Variants in OOSP2 observed in about 807,000 individuals in gnomAD.
OOSP2 encodes the protein oocyte secreted protein 2, also known as oocyte-secreted protein 2.
A neutral mutation model predicts 13.4 loss-of-function variants in OOSP2; 7 were observed. The observed-to-expected ratio is 0.52, with a 90% confidence interval of 0.30 to 0.98. The LOEUF is 0.98. Ranked by LOEUF, OOSP2 falls within the 50% of genes least tolerant of loss-of-function variation. OOSP2 has a pLI of 0.07. For synonymous variants in OOSP2, 75 were observed against 67.2 expected, an observed-to-expected ratio of 1.12 and a Z score of -0.57; for missense variants, 184 against 188.5, an observed-to-expected ratio of 0.98 and a Z score of 0.14.
In OOSP2 at chr11:60,040,477, G is replaced by C. The variant is rs1854913414; in HGVS notation, c.18G>C (p.Leu6Phe). The C allele has an allele frequency of 6.2e-7, 1 of 1,602,948 alleles. No homozygotes were observed. Among genetic ancestry groups the C allele is most frequent in the African/African-American group, 1.3e-5 (1 of 74,724 alleles). The change falls in exon 1 of 4, where the codon TTG (leucine) becomes TTC (phenylalanine). Residue 6 changes from leucine (L) to phenylalanine (F), a missense_variant. Physicochemically the swap from Leu to Phe is conservative, Grantham distance 22. Transcript: ENST00000278855. ...AGGTCTCCATGGCGTTAGAAGTCTT[G>C]ATGCTCCTCGCTGTCTTGATTTGGA... MALEV[L>F]MLLAVLIWTG... is the part of the protein sequence containing the mutation.
In OOSP2 at chr11:60,044,729, T is replaced by C. The variant is rs775332614; in HGVS notation, c.302T>C (p.Ile101Thr). 6.9e-6 allele frequency: 11 copies of C among 1,604,298 alleles called. No individual in the cohort carries two copies. The South Asian group carries it at 1.1e-4, about 16-fold the overall frequency. The change falls in exon 3 of 4, where the codon ATA becomes ACA. Residue 101 changes from isoleucine (I) to threonine (T), a missense_variant. By Grantham distance (89) the Ile-to-Thr change is moderately conservative. Coordinates refer to ENST00000278855, the MANE Select transcript of OOSP2 (RefSeq NM_173801.5). ...QTELYFTPRN[I>T]DHDPQEIHLE... ...GAGCTGTACTTTACCCCAAGGAATA[T>C]AGATCATGACCCTCAGGAAATCCAT...
intron 1 of OOSP2, among the ~76,000 whole-genome samples, chr11:60,043,035 G>C (rs865776502): frequency 1.3e-5 from 2 of 152,012 alleles, no homozygotes; most frequent in Non-Finnish European, 1.5e-5. Context: ...CTCCCGAGTA[G>C]CTGGGACTAC....
At chr11:60,043,365 A>G (rs182197412) in intron 1 of OOSP2, 104 bp from the exon 2 acceptor site, 52 of 614,332 alleles carry the variant, frequency 8.5e-5, no homozygotes, top group Non-Finnish European at 1.4e-4. Context: ...TTGCCAGAGA[A>G]ATAAATGCCT....
rs770028953 is a variant in OOSP2, at chr11:60,043,600, G to A, written c.196G>A (p.Val66Ile). 31 of 1,608,186 alleles carry A rather than the reference G, an allele frequency of 1.9e-5. 1 individual carries two copies. The highest frequency in any genetic ancestry group is 2.0e-5 in the Non-Finnish European group (24 of 1,174,838). Residue 66 changes from valine (V) to isoleucine (I), a missense_variant, in exon 2 of 4, where the codon GTA becomes ATA. By Grantham distance (29) the Val-to-Ile change is conservative. Coordinates refer to ENST00000278855, the MANE Select transcript of OOSP2 (RefSeq NM_173801.5). ...CCCTGCAAATCGGATACATACATAT[G>A]TATATGAGTTTATATATCTTGTTCG... ...GCPANRIHTYVYEFIYLVRDC... is the reference protein window; with the variant it reads ...GCPANRIHTYIYEFIYLVRDC...
At chr11:60,044,878 C>A (rs1160905683) in intron 3 of OOSP2, 104 bp downstream of exon 3, 3 of 509,802 alleles carry the variant, frequency 5.9e-6, no homozygotes, top group African/African-American at 5.8e-5. Flanking sequence ...CATGATTCAC[C>A]CATAAGTATA....
chr11:60,045,398 T>G (rs1397909185), intron 3 of OOSP2, among the ~76,000 whole-genome samples: 1 of 152,060 alleles, frequency 6.6e-6, no homozygotes, highest in African/African-American at 2.4e-5. Flanking sequence ...ATTGAAATAT[T>G]TATGTTAAGT....
chr11:60,043,849 T>C, intron 2 of OOSP2: 1 of 394,466 alleles, frequency 2.5e-6, no homozygotes, highest in Non-Finnish European at 4.6e-6. Flanking sequence ...GATTTATAAA[T>C]TGGCTAGGGA....
intron 2 of OOSP2, among the ~76,000 whole-genome samples, chr11:60,044,015 A>G (rs547148077): frequency 6.6e-6 from 1 of 152,360 alleles, no homozygotes; most frequent in South Asian, 2.1e-4. Context: ...TCCATGTTCC[A>G]TGAGGATTTG....
At chr11:60,040,864 T>G (rs533664509) in intron 1 of OOSP2, among the ~76,000 whole-genome samples, 1 of 152,220 alleles carries the variant, frequency 6.6e-6, no homozygotes, top group Non-Finnish European at 1.5e-5. Flanking sequence ...TTGTATCACA[T>G]TGTAAGATAT....
intron 1 of OOSP2, among the ~76,000 whole-genome samples, chr11:60,041,850 CAAAAAAAA>C (rs571172974): frequency 5.5e-5 from 2 of 36,418 alleles, no homozygotes; most frequent in Non-Finnish European, 9.4e-5. Context: ...GACTCTGTCT[CAAAAAAAA>C]AAAAAAAAAA....
At position 60,043,586 on chromosome 11, in the gene OOSP2, G is replaced by A. The variant is rs748177395; in HGVS notation, c.182G>A (p.Arg61Gln). The change falls in exon 2 of 4, where the codon CGG becomes CAG. Residue 61 changes from arginine (R) to glutamine (Q), a missense_variant. Arg to Gln is a conservative substitution (Grantham distance 43, BLOSUM62 1). Coordinates refer to ENST00000278855, the MANE Select transcript of OOSP2 (RefSeq NM_173801.5). ...CTGGGAATGGGCTGCCCTGCAAATC[G>A]GATACATACATATGTATATGAGTTT... ...LHLGMGCPANRIHTYVYEFIY... is the reference protein window; with the variant it reads ...LHLGMGCPANQIHTYVYEFIY... 21 of 1,607,482 alleles carry A rather than the reference G, an allele frequency of 1.3e-5. No individual in the cohort carries two copies. The East Asian group carries it at 2.0e-4, about 15-fold the overall frequency.
intron 3 of OOSP2, 28 bp from the exon 4 acceptor site, chr11:60,046,916 A>C: frequency 1.3e-6 from 2 of 1,599,938 alleles, no homozygotes; most frequent in Non-Finnish European, 1.7e-6. Flanking sequence ...CTCCAACACT[A>C]TCTGCTTTCT....
In OOSP2 at chr11:60,043,538, A is replaced by G; in HGVS notation, c.134A>G (p.Tyr45Cys). Reference sequence around the variant, plus strand: ...CCAGTTGCAGAAAGCAGAAATCTGTATATATTTGCGGATGAATTACATCTG... The same window carrying G: ...CCAGTTGCAGAAAGCAGAAATCTGTGTATATTTGCGGATGAATTACATCTG... ...VIPVAESRNL[Y>C]IFADELHLGM... The change falls in exon 2 of 4, where the codon TAT becomes TGT. Residue 45 changes from tyrosine to cysteine, a missense_variant. Physicochemically the swap from Tyr to Cys is radical, Grantham distance 194. Transcript: ENST00000278855. The G allele has an allele frequency of 1.9e-6, 3 of 1,612,442 alleles. No individual in the cohort carries two copies. Among genetic ancestry groups the G allele is most frequent in the South Asian group, 1.1e-5 (1 of 91,036 alleles).
chr11:60,047,054 C>A lies in OOSP2; in HGVS notation c.458C>A (p.Ser153Tyr), dbSNP rs1855017495. The change falls in exon 4 of 4, where the codon TCT (serine) becomes TAT (tyrosine). Residue 153 changes from serine to tyrosine, a missense_variant. Transcript: ENST00000278855. ...GCAGAAGAGTTAGGATTATTATCTT[C>A]TAGTCCAAACTTGCTCTGAGCTAAA... ...TTAEELGLLS[S>Y]SPNLL 1 of 1,610,240 alleles carries A rather than the reference C, an allele frequency of 6.2e-7. No individual in the cohort carries two copies. The highest frequency in any genetic ancestry group is 1.1e-5 in the South Asian group (1 of 90,344).
rs1026750674 is a variant in OOSP2, at chr11:60,047,090, A to C, written c.*17A>C. 1.1e-5 allele frequency: 18 copies of C among 1,583,456 alleles called. No individual in the cohort carries two copies. Among genetic ancestry groups the C allele is most frequent in the Non-Finnish European group, 1.4e-5 (16 of 1,167,930 alleles). ...TTGCTCTGAGCTAAAGGAGAAATGG[A>C]AACTTGAAGCTGGTGTTATGTATTT... is the stretch of plus-strand genomic sequence containing the variant. On this transcript the variant is annotated 3_prime_UTR_variant, in exon 4 of 4. Transcript: ENST00000278855.
chr11:60,041,848 C>A, intron 1 of OOSP2, among the ~76,000 whole-genome samples: 1 of 32,160 alleles, frequency 3.1e-5, no homozygotes, highest in African/African-American at 9.8e-5. Flanking sequence ...GAGACTCTGT[C>A]TCAAAAAAAA....
intron 1 of OOSP2, 98 bp downstream of exon 1, chr11:60,040,621 T>C (rs1854917335): frequency 4.1e-6 from 3 of 737,642 alleles, no homozygotes; most frequent in Non-Finnish European, 7.3e-6. Flanking sequence ...TCTGATCTTA[T>C]TCTAACTGGC....
chr11:60,041,218 A>C (rs1192122171), intron 1 of OOSP2, among the ~76,000 whole-genome samples: 1 of 152,178 alleles, frequency 6.6e-6, no homozygotes, highest in Non-Finnish European at 1.5e-5. Flanking sequence ...TTTTTCTTTG[A>C]AACTGATACG....
chr11:60,046,745 T>C (rs1855012613), intron 3 of OOSP2, 199 bp from the exon 4 acceptor site: 1 of 690,654 alleles, frequency 1.4e-6, no homozygotes, highest in South Asian at 1.4e-5. Flanking sequence ...GGAGACTATC[T>C]GGAATTAGTT....
Sources: allele counts gnomAD v4.1 joint callset (sites outside exome capture counted in the v4.1 genomes callset), GRCh38; gene constraint gnomAD v4.1.1; transcripts MANE v1.5; gene names NCBI Gene and HGNC (gene_info 2026-07-23, HGNC 2026-07-21).